The following GHR variants were observed in gnomAD, a reference collection of about 807,000 sequenced individuals.
GHR encodes GH receptor.
GHR carries 35 observed loss-of-function variants against 67.1 expected under a neutral mutation model. The ratio of observed to expected loss-of-function variants is 0.52; its 90% CI spans 0.40 to 0.69. The LOEUF (loss-of-function observed/expected upper bound fraction) is 0.69. Among genes scored for constraint, GHR ranks in the 30% least tolerant of loss-of-function variants. The pLI, the probability that GHR is intolerant of heterozygous loss-of-function variation, is 0.00. For missense variants in GHR, 792 were observed against 764.6 expected (o/e 1.04, Z -0.42); for synonymous variants, 272 against 269.1 (o/e 1.01, Z -0.10).
chr5:42,589,824 C>T (rs1434819707), intron 2 of GHR, among the ~76,000 whole-genome samples: 1 of 152,130 alleles, frequency 6.6e-6, no homozygotes, highest in South Asian at 2.1e-4. Flanking sequence ...TGTAGCAAAT[C>T]ATCAGATGGG....
At chr5:42,611,141 TTTTC>T (rs1469431059) in intron 2 of GHR, among the ~76,000 whole-genome samples, 10 of 152,250 alleles carry the variant, frequency 6.6e-5, no homozygotes, top group Middle Eastern at 6.8e-3. Context: ...TATCAAGGAA[TTTTC>T]AGTGTTTTCT....
chr5:42,523,696 A>G (rs1429768386), intron 1 of GHR, among the ~76,000 whole-genome samples: 1 of 152,200 alleles, frequency 6.6e-6, no homozygotes, highest in Non-Finnish European at 1.5e-5. Flanking sequence ...TAATAATGCT[A>G]CAATGACCTC....
intron 1 of GHR, among the ~76,000 whole-genome samples, chr5:42,520,683 G>A (rs1747434819): frequency 3.3e-5 from 5 of 152,114 alleles, no homozygotes; most frequent in African/African-American, 1.2e-4. Flanking sequence ...AGTTTCAAGA[G>A]CATGTTACAG....
chr5:42,635,827 T>C (rs1412270977), intron 3 of GHR, among the ~76,000 whole-genome samples: 1 of 152,180 alleles, frequency 6.6e-6, no homozygotes, highest in African/African-American at 2.4e-5. Flanking sequence ...TGAGGTCTTC[T>C]ATTTCTTTTG....
intron 1 of GHR, among the ~76,000 whole-genome samples, chr5:42,538,431 A>G (rs562323997): frequency 2.0e-5 from 3 of 152,234 alleles, no homozygotes; most frequent in East Asian, 1.9e-4. Flanking sequence ...TCCTTCATAT[A>G]TGATGCTTAG....
intron 1 of GHR, among the ~76,000 whole-genome samples, chr5:42,442,988 T>C (rs1048398925): frequency 1.3e-5 from 2 of 152,104 alleles, no homozygotes; most frequent in African/African-American, 4.8e-5. Flanking sequence ...ACCAGATGCT[T>C]TGGGATTTGA....
At chr5:42,628,270 C>T (rs997479014) in intron 2 of GHR, among the ~76,000 whole-genome samples, 7 of 151,506 alleles carry the variant, frequency 4.6e-5, no homozygotes, top group East Asian at 3.9e-4. Context: ...GACATGAAAA[C>T]GGAAATGCCT....
chr5:42,478,359 C>T (rs1259416442), intron 1 of GHR, among the ~76,000 whole-genome samples: 51 of 152,186 alleles, frequency 3.4e-4, no homozygotes, highest in African/African-American at 9.6e-4. Flanking sequence ...ATTGACTTAG[C>T]GATGCAGGCT....
chr5:42,521,093 T>G (rs1747454116), intron 1 of GHR, among the ~76,000 whole-genome samples: 1 of 152,196 alleles, frequency 6.6e-6, no homozygotes, highest in Admixed American at 6.5e-5. Flanking sequence ...AGTGTACGTG[T>G]GCAATAGGCA....
At position 42,719,149 on chromosome 5, in the gene GHR, C is replaced by T. The variant is rs867334374; in HGVS notation, c.1642C>T (p.Pro548Ser). The T allele has an allele frequency of 6.2e-7, 1 of 1,614,056 alleles. No homozygotes were observed. The highest frequency in any genetic ancestry group is 8.5e-7 in the Non-Finnish European group (1 of 1,179,970). ...TGCCAAAAAGTGCATCCCTGTGGCTCCTCACATCAAGGTTGAATCACACAT... is the reference window on the plus strand; with the variant it reads ...TGCCAAAAAGTGCATCCCTGTGGCTTCTCACATCAAGGTTGAATCACACAT... ...ADAKKCIPVA[P>S]HIKVESHIQP... The change falls in exon 10 of 10, where the codon CCT becomes TCT. Residue 548 changes from proline to serine, a missense_variant. Coordinates refer to ENST00000230882, the MANE Select transcript of GHR (RefSeq NM_000163.5).
At chr5:42,652,904 C>T (rs888766970) in intron 3 of GHR, among the ~76,000 whole-genome samples, 2 of 151,984 alleles carry the variant, frequency 1.3e-5, no homozygotes, top group African/African-American at 4.8e-5. Flanking sequence ...TCTTTACATC[C>T]TCCTGATGTA....
intron 1 of GHR, among the ~76,000 whole-genome samples, chr5:42,474,333 G>GAAAGAAAGAGAAAGAAAGAAAAGAAAT (rs144590349): frequency 6.7e-6 from 1 of 149,106 alleles, no homozygotes; most frequent in Admixed American, 6.8e-5. Context: ...AAGAAAGAAA[G>GAAAGAAAGAGAAAGAAAGAAAAGAAAT]AAAGAAAAGA....
In GHR at chr5:42,587,501, AC is replaced by A. The variant is rs1382624587; in HGVS notation, c.70+21561del. ...CAAGACCAGAGGGTCAGGGAAAGCC[AC>A]CCCGAGGCTGGAAGCTATGAACTTA... is the stretch of plus-strand genomic sequence containing the variant. On this transcript the variant is annotated intron_variant, in intron 2 of 9. Transcript: ENST00000230882. 2.7e-4 allele frequency among the ~76,000 whole-genome samples: 41 copies of A among 152,116 alleles called. 2 individuals are homozygous for A. In the Middle Eastern group the frequency reaches 0.014, roughly 50 times the overall value.
chr5:42,683,308 A>C (rs1429033237), intron 3 of GHR, among the ~76,000 whole-genome samples: 4 of 152,118 alleles, frequency 2.6e-5, no homozygotes, highest in African/African-American at 9.7e-5. Context: ...CCAGTTCCTC[A>C]AGGGTTTTTA....
rs554186604 is a variant in GHR, at chr5:42,581,562, C to T, written c.70+15618C>T. Among the ~76,000 whole-genome samples the T allele has an allele frequency of 6.6e-5, 10 of 152,310 alleles. 1 individual carries two copies. The South Asian group carries it at 1.9e-3, about 28-fold the overall frequency. On this transcript the variant is annotated intron_variant, in intron 2 of 9. Transcript: ENST00000230882. ...GGGACCTCAGAGGTCCTGTATTAGA[C>T]CAACTGTGGCTGTTCCTTAGAATAA...
rs573240028 is a variant in GHR, at chr5:42,630,607, C to T, written c.136+1504C>T. The stretch of plus-strand genomic sequence containing the variant: ...TATAGCCCTCCTGTTTAAGAAGCAT[C>T]TGACATGTTAAGCTGCTCCCTAATT... On this transcript the variant is annotated intron_variant, in intron 3 of 9. Coordinates refer to ENST00000230882, the MANE Select transcript of GHR (RefSeq NM_000163.5). 3.1e-4 allele frequency among the ~76,000 whole-genome samples: 41 copies of T among 132,260 alleles called. 5 individuals carry two copies. The highest frequency in any genetic ancestry group is 2.5e-3 in the Admixed American group (34 of 13,722). The allele number at this position is 132,260 out of a possible 152,430, so 86.8% of individuals were successfully genotyped here.
At chr5:42,650,576 A>ACATATATATATATATATAT (rs1238563261) in intron 3 of GHR, among the ~76,000 whole-genome samples, 42 of 53,302 alleles carry the variant, frequency 7.9e-4, no homozygotes, top group African/African-American at 3.1e-3. Context: ...TTTTACAGAT[A>ACATATATATATATATATAT]ACATATATAT....
Position 42,481,799 on chromosome 5 carries a change from AG to A in GHR, c.-12+57845del, listed in dbSNP as rs542422503. ...ATACATTCATCTAATTTTTTTTCAA[AG>A]TTTTTAACTTCTTTGCCATTGGCTC... On this transcript the variant is annotated intron_variant, in intron 1 of 9. Transcript: ENST00000230882. Among the ~76,000 whole-genome samples the A allele has an allele frequency of 4.5e-3, 679 of 152,064 alleles. 3 individuals are homozygous for A. Among genetic ancestry groups the A allele is most frequent in the Middle Eastern group, 6.8e-3 (2 of 294 alleles).
intron 9 of GHR, among the ~76,000 whole-genome samples, 160 bp from the exon 10 acceptor site, chr5:42,718,293 A>G (rs1385927258): frequency 6.6e-6 from 1 of 150,568 alleles, no homozygotes; most frequent in African/African-American, 2.4e-5. Flanking sequence ...AGAAAACGTC[A>G]TATGTATTTA....
Sources: allele counts gnomAD v4.1 joint callset (sites outside exome capture counted in the v4.1 genomes callset), GRCh38; gene constraint gnomAD v4.1.1; transcripts MANE v1.5; gene names NCBI Gene and HGNC (gene_info 2026-07-23, HGNC 2026-07-21).